The following GRIN3A variants were observed in gnomAD, a reference collection of about 807,000 sequenced individuals.
The protein encoded by GRIN3A is glutamate receptor ionotropic, NMDA 3A.
GRIN3A carries 47 observed loss-of-function variants against 92.4 expected under a neutral mutation model. The observed-to-expected ratio is 0.51, with a 90% CI of 0.40 to 0.65. The LOEUF (loss-of-function observed/expected upper bound fraction) is 0.65. Ranked by LOEUF, GRIN3A falls within the 30% of genes least tolerant of loss-of-function variation. The probability of loss-of-function intolerance (pLI) is 0.00; values close to 1 mark genes in which losing one functional copy is unlikely to be tolerated. For synonymous variants in GRIN3A, 527 were observed against 540.6 expected (o/e 0.97, Z 0.35); for missense variants, 1,324 against 1,393.1 (o/e 0.95, Z 0.79).
chr9:101,620,819 AC>A (rs1241732514), intron 5 of GRIN3A, among the ~76,000 whole-genome samples: 3 of 152,096 alleles, frequency 2.0e-5, no homozygotes, highest in African/African-American at 7.2e-5. Context: ...AATAAAGCTC[AC>A]ATTTTAAAAA....
rs13288331 is a variant in GRIN3A, at chr9:101,616,951, G to A, written c.2615-3424C>T. Among the ~76,000 whole-genome samples the A allele has an allele frequency of 4.7e-5, 7 of 150,436 alleles. No homozygotes were observed. The South Asian group carries it at 1.5e-3, about 32-fold the overall frequency. ...CGCAGTGGCTCACGCCAGTAATCTCGGCACTTTGGGAGGCCAAGGTGGCCG... is the reference window on the plus strand; with the variant it reads ...CGCAGTGGCTCACGCCAGTAATCTCAGCACTTTGGGAGGCCAAGGTGGCCG... On this transcript the variant is annotated intron_variant, in intron 5 of 8. Coordinates refer to ENST00000361820, the MANE Select transcript of GRIN3A (RefSeq NM_133445.3).
intron 6 of GRIN3A, among the ~76,000 whole-genome samples, chr9:101,597,892 G>A (rs1407297361): frequency 6.6e-6 from 1 of 152,028 alleles, no homozygotes; most frequent in East Asian, 1.9e-4. Flanking sequence ...CTTGGATTAT[G>A]GTAAAAAATA....
chr9:101,634,306 C>T (rs1828752971), intron 3 of GRIN3A, among the ~76,000 whole-genome samples: 1 of 126,582 alleles, frequency 7.9e-6, no homozygotes, highest in African/African-American at 3.0e-5. Context: ...GCACTCCAGC[C>T]TGGGTGACAG....
At chr9:101,655,152 G>A (rs1829068751) in intron 3 of GRIN3A, among the ~76,000 whole-genome samples, 1 of 151,862 alleles carries the variant, frequency 6.6e-6, no homozygotes, top group Non-Finnish European at 1.5e-5. Context: ...CCCATGGGGA[G>A]CTATAATTTC....
At chr9:101,626,659 G>C (rs977428643) in intron 4 of GRIN3A, among the ~76,000 whole-genome samples, 1 of 152,168 alleles carries the variant, frequency 6.6e-6, no homozygotes, top group African/African-American at 2.4e-5. Context: ...TTGGGATGAG[G>C]CTGGAGTTGC....
intron 2 of GRIN3A, among the ~76,000 whole-genome samples, chr9:101,684,946 A>T (rs915796501): frequency 1.3e-5 from 2 of 152,144 alleles, no homozygotes; most frequent in African/African-American, 4.8e-5. Context: ...GTCTTAGATA[A>T]AATTCTGAAC....
At chr9:101,608,074 T>A (rs1828309770) in intron 6 of GRIN3A, among the ~76,000 whole-genome samples, 1 of 152,176 alleles carries the variant, frequency 6.6e-6, no homozygotes, top group South Asian at 2.1e-4. Context: ...CAGGTAAGCA[T>A]CATTACAAAA....
chr9:101,590,252 G>T (rs1418619107), intron 6 of GRIN3A, among the ~76,000 whole-genome samples: 1 of 152,150 alleles, frequency 6.6e-6, no homozygotes, highest in African/African-American at 2.4e-5. Flanking sequence ...CACAGTCATT[G>T]GCTACTGGGG....
rs1329185625 is a variant in GRIN3A, at chr9:101,573,377, G to T, written c.3145C>A (p.Pro1049Thr). 3 of 1,614,074 alleles carry T rather than the reference G, an allele frequency of 1.9e-6. No individual in the cohort carries two copies. Among genetic ancestry groups the T allele is most frequent in the Non-Finnish European group, 2.5e-6 (3 of 1,179,968 alleles). ...GCAGGGAGCTCTCTTCTCCTTGGAG[G>T]GAGGGGGATGTCCTGGTGGATCCGG... is the stretch of plus-strand genomic sequence containing the variant. The part of the protein sequence containing the change: ...GIRIHQDIPL[P>T]PRRRELPALR... The change falls in exon 9 of 9, where the codon CCT becomes ACT. Residue 1049 changes from proline (P) to threonine (T), a missense_variant. Coordinates refer to ENST00000361820, the MANE Select transcript of GRIN3A (RefSeq NM_133445.3).
chr9:101,653,673 A>G (rs1829042457), intron 3 of GRIN3A, among the ~76,000 whole-genome samples: 1 of 151,858 alleles, frequency 6.6e-6, no homozygotes, highest in Non-Finnish European at 1.5e-5. Flanking sequence ...CTTTAGGCAC[A>G]TATTTAAGTA....
In GRIN3A at chr9:101,579,477, A is replaced by G; in HGVS notation, c.2767-117T>C. 4.1e-6 allele frequency: 4 copies of G among 967,302 alleles called. No homozygotes were observed. In the East Asian group the frequency reaches 1.0e-4, roughly 25 times the overall value. The allele number at this position is 967,302 out of a possible 1,614,324, so 59.9% of individuals were successfully genotyped here. The stretch of plus-strand genomic sequence containing the variant: ...TTTTTCTGGACTCAAGGACAGCTGG[A>G]GACTATTTCTCCCTGTGTGTTCTGT... On this transcript the variant is annotated intron_variant, in intron 6 of 8. Coordinates refer to ENST00000361820, the MANE Select transcript of GRIN3A (RefSeq NM_133445.3).
intron 1 of GRIN3A, among the ~76,000 whole-genome samples, chr9:101,703,372 T>C (rs540672157): frequency 1.3e-5 from 2 of 152,322 alleles, no homozygotes; most frequent in East Asian, 3.9e-4. Context: ...TGCGGCTGAT[T>C]CTTTCTTCAC....
intron 2 of GRIN3A, among the ~76,000 whole-genome samples, chr9:101,679,555 T>C (rs1176647886): frequency 6.6e-6 from 1 of 152,166 alleles, no homozygotes; most frequent in East Asian, 1.9e-4. Context: ...TTTCAAAGAA[T>C]TCCAGCCAGA....
intron 1 of GRIN3A, among the ~76,000 whole-genome samples, chr9:101,692,505 G>A (rs956983449): frequency 3.3e-5 from 5 of 152,138 alleles, no homozygotes; most frequent in Non-Finnish European, 5.9e-5. Flanking sequence ...AGAGGTGATG[G>A]GGCTGGGTTT....
intron 1 of GRIN3A, among the ~76,000 whole-genome samples, chr9:101,716,391 C>A (rs1829948512): frequency 6.6e-6 from 1 of 152,192 alleles, no homozygotes; most frequent in Non-Finnish European, 1.5e-5. Context: ...CATTAATCCA[C>A]TTGATATAAG....
At chr9:101,710,505 G>C (rs1196290502) in intron 1 of GRIN3A, among the ~76,000 whole-genome samples, 2 of 152,146 alleles carry the variant, frequency 1.3e-5, no homozygotes, top group Non-Finnish European at 2.9e-5. Flanking sequence ...TGTTTGGATG[G>C]AGATCTCCTC....
chr9:101,702,906 G>A (rs983527719), intron 1 of GRIN3A, among the ~76,000 whole-genome samples: 3 of 152,050 alleles, frequency 2.0e-5, no homozygotes, highest in African/African-American at 7.2e-5. Flanking sequence ...TTTTCTTCTT[G>A]TCACTCCTTA....
At chr9:101,577,886 C>CA in intron 7 of GRIN3A, 42 bp from the exon 8 acceptor site, 1 of 1,424,002 alleles carries the variant, frequency 7.0e-7, no homozygotes, top group South Asian at 1.1e-5. Context: ...TTATGAGAAA[C>CA]ACATAGGTCA....
At chr9:101,708,941 A>G (rs1829842984) in intron 1 of GRIN3A, among the ~76,000 whole-genome samples, 3 of 152,236 alleles carry the variant, frequency 2.0e-5, no homozygotes, top group Non-Finnish European at 2.9e-5. Flanking sequence ...TTGAATCTTT[A>G]ACTCTTGTAA....
Sources: allele counts gnomAD v4.1 joint callset (sites outside exome capture counted in the v4.1 genomes callset), GRCh38; gene constraint gnomAD v4.1.1; transcripts MANE v1.5; gene names NCBI Gene and HGNC (gene_info 2026-07-23, HGNC 2026-07-21).